RBM33: variants seen among roughly 807,000 people sequenced by gnomAD.
RBM33 encodes RNA binding motif protein 33.
A neutral mutation model predicts 132.6 loss-of-function variants in RBM33; 28 were observed. The ratio of observed to expected loss-of-function variants is 0.21; its 90% CI spans 0.16 to 0.29. The LOEUF (loss-of-function observed/expected upper bound fraction) is 0.29, where lower values mean the gene tolerates loss of function less well. Among genes scored for constraint, RBM33 ranks in the 10% least tolerant of loss-of-function variants. The pLI, the probability that RBM33 is intolerant of heterozygous loss-of-function variation, is 1.00. For synonymous variants in RBM33, 634 were observed against 593.0 expected (o/e 1.07, Z -1.01); for missense variants, 1,291 against 1,518.5 (o/e 0.85, Z 2.49).
At chr7:155,682,478 A>G (rs1311377166) in intron 5 of RBM33, among the ~76,000 whole-genome samples, 1 of 152,236 alleles carries the variant, frequency 6.6e-6, no homozygotes, top group East Asian at 1.9e-4. Context: ...AATTAAACCA[A>G]GATCTTTTAG....
At chr7:155,654,023 A>G (rs1399162712) in intron 1 of RBM33, among the ~76,000 whole-genome samples, 4 of 152,230 alleles carry the variant, frequency 2.6e-5, no homozygotes, top group Admixed American at 1.3e-4. Context: ...AATTTGGTAC[A>G]GTCAGCAAGT....
intron 3 of RBM33, among the ~76,000 whole-genome samples, chr7:155,673,593 T>TAC (rs1210766246): frequency 1.3e-5 from 1 of 75,244 alleles, no homozygotes; most frequent in Admixed American, 1.1e-4. Flanking sequence ...TATATATATA[T>TAC]ACACACATAT....
At position 155,763,855 on chromosome 7, in the gene RBM33, A is replaced by G. The variant is rs370700954; in HGVS notation, c.3023A>G (p.Gln1008Arg). ...DGFFHPEGQP[Q>R]RLPQPPEVGP... The stretch of plus-strand genomic sequence containing the variant: ...TTTTTTCACCCAGAAGGCCAGCCCC[A>G]GCGGCTTCCCCAGCCTCCGGAAGTG... The change falls in exon 15 of 18, where the codon CAG becomes CGG. Residue 1008 changes from glutamine (Q) to arginine (R), a missense_variant. Gln to Arg is a conservative substitution (Grantham distance 43). Around this residue, in one of 7 missense-constraint regions of RBM33, gnomAD observed 841 missense variants for 912.0 expected, o/e 0.92. Coordinates refer to ENST00000401878, the MANE Select transcript of RBM33 (RefSeq NM_053043.3). 8 of 1,612,244 alleles carry G rather than the reference A, an allele frequency of 5.0e-6. No homozygotes were observed. The highest frequency in any genetic ancestry group is 6.8e-6 in the Non-Finnish European group (8 of 1,179,252).
intron 9 of RBM33, among the ~76,000 whole-genome samples, chr7:155,732,858 A>G (rs1462205605): frequency 6.6e-6 from 1 of 152,220 alleles, no homozygotes; most frequent in African/African-American, 2.4e-5. Flanking sequence ...GGGACAGGTG[A>G]AAAACTGCTG....
intron 8 of RBM33, among the ~76,000 whole-genome samples, chr7:155,714,913 G>C (rs917871997): frequency 1.1e-4 from 16 of 152,160 alleles, no homozygotes; most frequent in African/African-American, 3.6e-4. Flanking sequence ...GTGACGGGCT[G>C]GCCCAGAGTG....
chr7:155,746,095 T>C (rs2117038462), intron 14 of RBM33, among the ~76,000 whole-genome samples: 1 of 152,386 alleles, frequency 6.6e-6, no homozygotes, highest in East Asian at 1.9e-4. Flanking sequence ...CAGTTTTCTC[T>C]TTTGAGTCTT....
At chr7:155,712,923 G>A (rs1035386835) in intron 8 of RBM33, among the ~76,000 whole-genome samples, 7 of 152,242 alleles carry the variant, frequency 4.6e-5, no homozygotes, top group Non-Finnish European at 7.3e-5. Context: ...TCTTGCTGCC[G>A]TGTTGAGAGG....
chr7:155,765,765 G>C (rs551966223), intron 15 of RBM33, among the ~76,000 whole-genome samples: 1 of 152,196 alleles, frequency 6.6e-6, no homozygotes, highest in Non-Finnish European at 1.5e-5. Context: ...TCCTTGAGCA[G>C]TAGTTTTGAA....
At chr7:155,744,827 A>G in intron 13 of RBM33, 134 bp from the exon 14 acceptor site, 1 of 899,712 alleles carries the variant, frequency 1.1e-6, no homozygotes, top group Non-Finnish European at 1.6e-6. Context: ...AAAGTCTTCA[A>G]ACAGATTTTG....
chr7:155,664,231 TTATATATA>T (rs58817262), intron 1 of RBM33, among the ~76,000 whole-genome samples: 17 of 121,370 alleles, frequency 1.4e-4, no homozygotes, highest in African/African-American at 4.3e-4. Context: ...ACATTATGAC[TTATATATA>T]TATATGTGTG....
chr7:155,673,402 T>TTGTGGGGGTGTG (rs1491358812), intron 3 of RBM33, among the ~76,000 whole-genome samples: 2 of 45,162 alleles, frequency 4.4e-5, no homozygotes, highest in African/African-American at 3.0e-4. Context: ...TTTATATATA[T>TTGTGGGGGTGTG]TGTGTGTGTG....
chr7:155,679,872 A>G (rs982261039), intron 4 of RBM33, among the ~76,000 whole-genome samples: 6 of 152,218 alleles, frequency 3.9e-5, no homozygotes, highest in African/African-American at 7.2e-5. Context: ...ACGATCTTAC[A>G]TGGGAAATGT....
intron 2 of RBM33, among the ~76,000 whole-genome samples, chr7:155,672,242 T>C (rs181929302): frequency 4.7e-4 from 72 of 152,296 alleles, no homozygotes; most frequent in African/African-American, 1.6e-3. Context: ...AGCTTAGATA[T>C]GACTTACTAT....
chr7:155,710,922 T>TC (rs1055526559), intron 7 of RBM33, among the ~76,000 whole-genome samples: 1 of 151,904 alleles, frequency 6.6e-6, no homozygotes, highest in African/African-American at 2.4e-5. Flanking sequence ...TTTTTTTTTT[T>TC]TTCAAAATTC....
chr7:155,745,092 G>T lies in RBM33; in HGVS notation c.2469G>T (p.Leu823=). 6.2e-7 allele frequency: 1 copy of T among 1,602,616 alleles called. No individual in the cohort carries two copies. The highest frequency in any genetic ancestry group is 1.1e-5 in the South Asian group (1 of 89,564). ...AGGCTGGTGCCAGGAAGAAGGAGCTGCTGGAGAGACTCGCGCAGCAACAGC... is the reference window on the plus strand; with the variant it reads ...AGGCTGGTGCCAGGAAGAAGGAGCTTCTGGAGAGACTCGCGCAGCAACAGC... ...QQQAGARKKE[L]LERLAQQQQQ... Residue 823 remains leucine, a synonymous_variant, in exon 14 of 18, where the codon CTG becomes CTT. Transcript: ENST00000401878. The surrounding 1 kb of genome is among the most constrained non-coding windows in gnomAD (Gnocchi z 4.1).
At chr7:155,748,861 G>A (rs1262178218) in intron 14 of RBM33, among the ~76,000 whole-genome samples, 4 of 152,130 alleles carry the variant, frequency 2.6e-5, no homozygotes, top group South Asian at 2.1e-4. Context: ...TTTCTTACAC[G>A]ATTGTGTTGA....
rs1446022631 is a variant in RBM33 at position 155,705,411 on chromosome 7, TAA to T, written c.740-1446_740-1445del. 2.0e-5 allele frequency among the ~76,000 whole-genome samples: 3 copies of T among 152,350 alleles called. No individual in the cohort carries two copies. The East Asian group carries it at 5.8e-4, about 29-fold the overall frequency. On this transcript the variant is annotated intron_variant, in intron 6 of 17. Coordinates refer to ENST00000401878, the MANE Select transcript of RBM33 (RefSeq NM_053043.3). The stretch of plus-strand genomic sequence containing the variant: ...ACTAATCATGTAGTCAAGATTAGAA[TAA>T]AAGTCTATGCTGGTTAAGAAGAGAT...
intron 12 of RBM33, among the ~76,000 whole-genome samples, chr7:155,740,998 A>G (rs1344921487): frequency 6.6e-6 from 1 of 152,162 alleles, no homozygotes; most frequent in Non-Finnish European, 1.5e-5. Flanking sequence ...CAGTCATGTC[A>G]CTTAGCTGCT....
chr7:155,657,418 T>C (rs1052135701), intron 1 of RBM33, among the ~76,000 whole-genome samples: 14 of 152,354 alleles, frequency 9.2e-5, no homozygotes, highest in African/African-American at 3.1e-4. Context: ...AAGGATTATA[T>C]GCTTGTTAAC....
Sources: gnomAD v4.1 joint callset for allele counts (sites outside exome capture counted in the v4.1 genomes callset) on GRCh38, gnomAD v4.1.1 for gene constraint, gnomAD v4.1.1 regional missense constraint, Gnocchi (gnomAD v3.1) non-coding constraint, MANE v1.5 for transcripts, NCBI Gene and HGNC (gene_info 2026-07-23, HGNC 2026-07-21) for gene names.